The following ABHD5 variants were observed in gnomAD, a reference collection of about 807,000 sequenced individuals.
ABHD5 encodes the protein abhydrolase domain containing 5, lysophosphatidic acid acyltransferase, also known as 1-acylglycerol-3-phosphate O-acyltransferase ABHD5.
Under a neutral mutation model 44.9 loss-of-function variants are expected in ABHD5, and 30 were observed. The ratio of observed to expected loss-of-function variants is 0.67; its 90% CI spans 0.50 to 0.91. The LOEUF is 0.91. Among genes scored for constraint, ABHD5 ranks in the 40% least tolerant of loss-of-function variants. The pLI is 0.00. For synonymous variants in ABHD5, 167 were observed against 147.0 expected (o/e 1.14, Z -0.99); for missense variants, 399 against 423.4 (o/e 0.94, Z 0.50).
chr3:43,725,171 A>C (rs186133985), downstream of ABHD5, among the ~76,000 whole-genome samples: 1 of 152,154 alleles, frequency 6.6e-6, no homozygotes, highest in East Asian at 1.9e-4. Flanking sequence ...CACAGCCCCA[A>C]TACAAAACTG....
At chr3:43,691,328 T>G in intron 1 of ABHD5, 1 of 259,686 alleles carries the variant, frequency 3.9e-6, no homozygotes, top group Admixed American at 5.4e-5. Context: ...CGTTGTTGTA[T>G]AAGCCACCCC....
At chr3:43,702,880 T>G (rs1395395288) in intron 3 of ABHD5, among the ~76,000 whole-genome samples, 1 of 127,656 alleles carries the variant, frequency 7.8e-6, no homozygotes, top group Non-Finnish European at 1.6e-5. Context: ...AATTATTTAT[T>G]ATTATTATCA....
chr3:43,725,485 A>G (rs1233061397), downstream of ABHD5, among the ~76,000 whole-genome samples: 1 of 152,266 alleles, frequency 6.6e-6, no homozygotes, highest in Non-Finnish European at 1.5e-5. Flanking sequence ...GACATGGACA[A>G]GGAATGTTAT....
intron 1 of ABHD5, among the ~76,000 whole-genome samples, chr3:43,698,725 G>A (rs961092446): frequency 1.3e-5 from 2 of 152,188 alleles, no homozygotes; most frequent in Admixed American, 1.3e-4. Context: ...TTCACCCTAA[G>A]GAGATTGTAC....
In ABHD5 at chr3:43,696,892, A is replaced by G. The variant is rs184223300; in HGVS notation, c.48-2384A>G. ...TGTTAAATATATATTTTTCTGTTAG[A>G]AAAAAACCCACTTTAAAAAATCACC... On this transcript the variant is annotated intron_variant, in intron 1 of 6. Transcript: ENST00000644371. 4.9e-3 allele frequency among the ~76,000 whole-genome samples: 745 copies of G among 152,098 alleles called. 8 individuals carry two copies. Among genetic ancestry groups the G allele is most frequent in the African/African-American group, 0.017 (719 of 41,510 alleles).
chr3:43,708,616 G>A (rs3774790), intron 3 of ABHD5, among the ~76,000 whole-genome samples: 129,583 of 152,172 alleles, frequency 0.85, 55,215 homozygotes, highest in Middle Eastern at 0.91. Context: ...ACTATTCGAT[G>A]GCCACCAACC....
intron 3 of ABHD5, among the ~76,000 whole-genome samples, chr3:43,708,040 G>C (rs1298693070): frequency 2.6e-5 from 4 of 152,242 alleles, no homozygotes; most frequent in Non-Finnish European, 2.9e-5. Context: ...TCAGGTCCTA[G>C]TGTGTTGGTA....
At chr3:43,728,192 A>G (rs2084890495) in intron 7 of ABHD5, among the ~76,000 whole-genome samples, 1 of 152,232 alleles carries the variant, frequency 6.6e-6, no homozygotes, top group African/African-American at 2.4e-5. Flanking sequence ...TTGTAATCTA[A>G]TAGCCCTAGT....
At chr3:43,709,386 A>C (rs1436884866) in intron 3 of ABHD5, among the ~76,000 whole-genome samples, 2 of 152,220 alleles carry the variant, frequency 1.3e-5, no homozygotes, top group Admixed American at 1.3e-4. Flanking sequence ...TGAAATTTTG[A>C]AGATCATATT....
At chr3:43,723,381 A>G (rs2084856640), downstream of ABHD5, among the ~76,000 whole-genome samples, 1 of 152,216 alleles carries the variant, frequency 6.6e-6, no homozygotes, top group Non-Finnish European at 1.5e-5. Flanking sequence ...GGAAATCGCC[A>G]TTTTGCCACC....
At chr3:43,727,355 T>C (rs2084884885), downstream of ABHD5, among the ~76,000 whole-genome samples, 2 of 152,230 alleles carry the variant, frequency 1.3e-5, no homozygotes, top group Non-Finnish European at 1.5e-5. Context: ...TTGGACCTTA[T>C]TCTACTGTAC....
At position 43,690,939 on chromosome 3, in the gene ABHD5, G is replaced by C. The variant is rs1270009305; in HGVS notation, c.-54G>C. ...TGCCGCGCCAGCCCGGGGCGGCCCA[G>C]TCGGCCTGTCAGCCGGCTTCGAGAT... On this transcript the variant is annotated 5_prime_UTR_variant, in exon 1 of 7. Coordinates refer to ENST00000644371, the MANE Select transcript of ABHD5 (RefSeq NM_016006.6). 2 of 1,537,144 alleles carry C rather than the reference G, an allele frequency of 1.3e-6. No individual in the cohort carries two copies. Among genetic ancestry groups the C allele is most frequent in the Non-Finnish European group, 1.7e-6 (2 of 1,148,110 alleles).
In ABHD5 at chr3:43,719,380, C is replaced by T. The variant is rs114083722; in HGVS notation, c.*848C>T. 150 of 152,252 alleles carry T rather than the reference C, an allele frequency of 9.9e-4. 1 individual carries two copies. Among genetic ancestry groups the T allele is most frequent in the African/African-American group, 3.4e-3 (141 of 41,542 alleles). 9.4% of individuals were successfully genotyped at this position (152,252 alleles called of 1,614,324 possible). ...GCAGCAAATGAAACAGATTTCTTCT[C>T]TTAAGGGGATATTAAGACTGTTACT... On this transcript the variant is annotated 3_prime_UTR_variant, in exon 7 of 7. Coordinates refer to ENST00000644371, the MANE Select transcript of ABHD5 (RefSeq NM_016006.6).
At chr3:43,728,138 T>C (rs1206097472) in intron 7 of ABHD5, among the ~76,000 whole-genome samples, 1 of 152,202 alleles carries the variant, frequency 6.6e-6, no homozygotes, top group African/African-American at 2.4e-5. Context: ...CTCGGTCCTC[T>C]CTGGGATTGA....
chr3:43,693,719 T>C (rs1157373594), intron 1 of ABHD5, among the ~76,000 whole-genome samples: 3 of 150,990 alleles, frequency 2.0e-5, no homozygotes, highest in Admixed American at 6.7e-5. Context: ...TTACCTTACC[T>C]GACCAACAAT....
Position 43,717,677 on chromosome 3 carries a change from G to A in ABHD5, c.780G>A (p.Glu260=), listed in dbSNP as rs775381851. 1.2e-6 allele frequency: 2 copies of A among 1,614,176 alleles called. No individual in the cohort carries two copies. Among genetic ancestry groups the A allele is most frequent in the Admixed American group, 3.3e-5 (2 of 60,014 alleles). Residue 260 remains glutamate, a synonymous_variant, in exon 6 of 7, where the codon GAG becomes GAA. Coordinates refer to ENST00000644371, the MANE Select transcript of ABHD5 (RefSeq NM_016006.6). ...TTTCTCCTTGCCGTTAAAGTGGTGA[G>A]ACAGCTTTCAAGAATATGACTATTC... ...YHCNVQTPSG[E]TAFKNMTIPY...
chr3:43,698,602 C>T (rs947746221), intron 1 of ABHD5, among the ~76,000 whole-genome samples: 3 of 152,178 alleles, frequency 2.0e-5, no homozygotes, highest in African/African-American at 7.2e-5. Context: ...TGCCTCAGAT[C>T]TGCTTCCTTG....
chr3:43,722,971 G>A (rs2084853555), downstream of ABHD5, among the ~76,000 whole-genome samples: 2 of 152,174 alleles, frequency 1.3e-5, no homozygotes, highest in East Asian at 1.9e-4. Context: ...GCCAGCCCTC[G>A]TACCCAGACT....
rs755220242 is a variant in ABHD5, at chr3:43,702,558, T to G, written c.477T>G (p.Ala159=). ...LLGHNLGGFL[A]AAYSLKYPSR... is the part of the protein sequence containing the mutation. Reference sequence around the variant, plus strand: ...GGCACAACCTAGGTGGATTCTTGGCTGCTGCTTACTCGCTGAAGTACCCAT... The same window carrying G: ...GGCACAACCTAGGTGGATTCTTGGCGGCTGCTTACTCGCTGAAGTACCCAT... Residue 159 remains alanine, a synonymous_variant, in exon 3 of 7, where the codon GCT becomes GCG. Transcript: ENST00000644371. The G allele has an allele frequency of 6.2e-7, 1 of 1,614,244 alleles. No homozygotes were observed. Among genetic ancestry groups the G allele is most frequent in the South Asian group, 1.1e-5 (1 of 91,088 alleles).
Sources: gnomAD v4.1 joint callset for allele counts (sites outside exome capture counted in the v4.1 genomes callset) on GRCh38, gnomAD v4.1.1 for gene constraint, MANE v1.5 for transcripts, NCBI Gene and HGNC (gene_info 2026-07-23, HGNC 2026-07-21) for gene names.